The following RAPGEF4 variants were observed in gnomAD, a reference collection of about 807,000 sequenced individuals.
RAPGEF4 encodes RAP guanine-nucleotide-exchange factor (GEF) 4.
RAPGEF4 carries 66 observed loss-of-function variants against 147.9 expected under a neutral mutation model. The ratio of observed to expected loss-of-function variants is 0.45; its 90% CI spans 0.37 to 0.55. The LOEUF is 0.55. Among genes scored for constraint, RAPGEF4 ranks in the 20% least tolerant of loss-of-function variants. The probability of loss-of-function intolerance (pLI) is 0.00; values close to 1 mark genes in which losing one functional copy is unlikely to be tolerated. For missense variants in RAPGEF4, 1,071 were observed against 1,257.3 expected, an observed-to-expected ratio of 0.85 and a Z score of 2.24; for synonymous variants, 419 against 442.7, an observed-to-expected ratio of 0.95 and a Z score of 0.67.
intron 4 of RAPGEF4, among the ~76,000 whole-genome samples, chr2:172,824,245 C>T (rs886191541): frequency 7.2e-5 from 11 of 152,154 alleles, no homozygotes; most frequent in African/African-American, 2.4e-4. Context: ...GATTTCCATG[C>T]CGGGACTTTT....
intron 16 of RAPGEF4, 33 bp from the exon 17 acceptor site, chr2:173,001,233 C>T: frequency 6.2e-7 from 1 of 1,606,022 alleles, no homozygotes; most frequent in Non-Finnish European, 8.5e-7. Context: ...CCACAAGAAC[C>T]TAATTTCCTT....
chr2:173,019,872 C>T (rs1221777795), intron 22 of RAPGEF4, among the ~76,000 whole-genome samples: 4 of 152,180 alleles, frequency 2.6e-5, no homozygotes, highest in Non-Finnish European at 5.9e-5. Flanking sequence ...CTTACACAAG[C>T]TTCCTAGACC....
rs570840896 is a variant in RAPGEF4 at position 172,899,720 on chromosome 2, A to T, written c.445-18082A>T. On this transcript the variant is annotated intron_variant, in intron 4 of 30. Transcript: ENST00000397081. Reference sequence around the variant, plus strand: ...ATTTAGCAACAGTGAAAGAACAAAAAATCGGACAGCTGATAGCATCAAGGC... The same window carrying T: ...ATTTAGCAACAGTGAAAGAACAAAATATCGGACAGCTGATAGCATCAAGGC... 2.0e-5 allele frequency among the ~76,000 whole-genome samples: 3 copies of T among 152,230 alleles called. No homozygotes were observed. The South Asian group carries it at 6.2e-4, about 32-fold the overall frequency.
intron 27 of RAPGEF4, among the ~76,000 whole-genome samples, chr2:173,035,441 G>A (rs1235663503): frequency 6.6e-6 from 1 of 151,352 alleles, no homozygotes; most frequent in African/African-American, 2.4e-5. Flanking sequence ...AACTCGGGAG[G>A]CAGAGCTTGC....
At chr2:172,791,849 G>C (rs1025270671) in intron 1 of RAPGEF4, among the ~76,000 whole-genome samples, 1 of 152,108 alleles carries the variant, frequency 6.6e-6, no homozygotes, top group Admixed American at 6.5e-5. Flanking sequence ...TGAGTGTCAG[G>C]CTAAAAATCT....
intron 14 of RAPGEF4, 139 bp downstream of exon 14, chr2:172,988,978 C>A (rs541582520): frequency 3.1e-6 from 3 of 955,674 alleles, no homozygotes; most frequent in Admixed American, 5.4e-5. Flanking sequence ...TGTTACAAAC[C>A]GGTTATATTT....
At chr2:172,997,625 C>T (rs1693498768) in intron 16 of RAPGEF4, among the ~76,000 whole-genome samples, 2 of 151,928 alleles carry the variant, frequency 1.3e-5, no homozygotes, top group Admixed American at 1.3e-4. Flanking sequence ...TATGACTTTG[C>T]AACAGCCCAC....
chr2:172,921,127 T>C (rs1407026896), intron 5 of RAPGEF4, among the ~76,000 whole-genome samples: 1 of 152,114 alleles, frequency 6.6e-6, no homozygotes, highest in Non-Finnish European at 1.5e-5. Context: ...TGTTTTGTTT[T>C]TTTTTTAGTC....
chr2:172,902,478 T>C (rs900776276), intron 4 of RAPGEF4, among the ~76,000 whole-genome samples: 1 of 152,032 alleles, frequency 6.6e-6, no homozygotes, highest in African/African-American at 2.4e-5. Flanking sequence ...AATTTTTGTA[T>C]TTTTTGTAGA....
At chr2:172,983,663 T>TG in intron 11 of RAPGEF4, 83 bp downstream of exon 11, 1 of 1,535,114 alleles carries the variant, frequency 6.5e-7, no homozygotes. Flanking sequence ...TACGGTGTTG[T>TG]GGGGGGAAAG....
At chr2:172,742,343 C>T (rs1460423101) in intron 1 of RAPGEF4, among the ~76,000 whole-genome samples, 1 of 151,928 alleles carries the variant, frequency 6.6e-6, no homozygotes, top group Non-Finnish European at 1.5e-5. Context: ...CTTTTTCTTC[C>T]TTGTAATACA....
intron 8 of RAPGEF4, among the ~76,000 whole-genome samples, chr2:172,964,610 G>A (rs1230752170): frequency 2.0e-5 from 3 of 152,060 alleles, no homozygotes; most frequent in African/African-American, 7.2e-5. Flanking sequence ...CCCAGAGGTG[G>A]TGCTGTGCTT....
chr2:172,914,351 T>C (rs1390517777), intron 4 of RAPGEF4, among the ~76,000 whole-genome samples: 1 of 56,936 alleles, frequency 1.8e-5, no homozygotes, highest in African/African-American at 6.2e-5. Context: ...TTTTTTTTTT[T>C]GGAGACAGAG....
rs561959164 is a variant in RAPGEF4 at position 173,024,521 on chromosome 2, G to C, written c.2254-2051G>C. Among the ~76,000 whole-genome samples the C allele has an allele frequency of 7.9e-5, 12 of 152,330 alleles. 1 individual carries two copies. In the South Asian group the frequency reaches 2.5e-3, roughly 32 times the overall value. ...CGTGAGCCACCGCGCCCGGCCTGCT[G>C]CAGCACTTCTAGAAAGTGAACTGAT... On this transcript the variant is annotated intron_variant, in intron 23 of 30. Transcript: ENST00000397081.
intron 4 of RAPGEF4, among the ~76,000 whole-genome samples, chr2:172,878,962 G>A (rs1295584176): frequency 6.6e-6 from 1 of 152,146 alleles, no homozygotes; most frequent in Admixed American, 6.5e-5. Flanking sequence ...TGCAGGTGGG[G>A]CTGCAAATAT....
intron 4 of RAPGEF4, among the ~76,000 whole-genome samples, chr2:172,910,379 T>G (rs1349694425): frequency 6.6e-6 from 1 of 152,228 alleles, no homozygotes; most frequent in Non-Finnish European, 1.5e-5. Flanking sequence ...ACTTCCAAGG[T>G]GATCTTCCAG....
intron 4 of RAPGEF4, among the ~76,000 whole-genome samples, chr2:172,831,206 C>T (rs1437784220): frequency 1.3e-5 from 2 of 148,638 alleles, no homozygotes; most frequent in Non-Finnish European, 3.0e-5. Context: ...CCTATTAGCA[C>T]CGTCTGATGT....
At chr2:172,774,986 G>A (rs1470521969) in intron 1 of RAPGEF4, among the ~76,000 whole-genome samples, 4 of 152,214 alleles carry the variant, frequency 2.6e-5, no homozygotes, top group Non-Finnish European at 5.9e-5. Context: ...AGAGACTTGG[G>A]ACTGGGATAA....
chr2:172,979,824 C>T (rs2105629736), intron 10 of RAPGEF4, among the ~76,000 whole-genome samples: 1 of 152,262 alleles, frequency 6.6e-6, no homozygotes, highest in Middle Eastern at 3.4e-3. Context: ...AGAGACCAGC[C>T]TGGCCAATAT....
Sources: allele counts gnomAD v4.1 joint callset (sites outside exome capture counted in the v4.1 genomes callset), GRCh38; gene constraint gnomAD v4.1.1; transcripts MANE v1.5; gene names NCBI Gene and HGNC (gene_info 2026-07-23, HGNC 2026-07-21).